The following EDIL3 variants were observed in gnomAD, a reference collection of about 807,000 sequenced individuals.
EDIL3 encodes the protein EGF like and discoidin domains 3.
Under a neutral mutation model 67.4 loss-of-function variants are expected in EDIL3, and 37 were observed. The ratio of observed to expected loss-of-function variants is 0.55; its 90% CI spans 0.42 to 0.72. The LOEUF is 0.72. Among genes scored for constraint, EDIL3 ranks in the 30% least tolerant of loss-of-function variants. The probability of loss-of-function intolerance (pLI) is 0.00; values close to 1 mark genes in which losing one functional copy is unlikely to be tolerated. For missense variants in EDIL3, 527 were observed against 586.3 expected (o/e 0.90, Z 1.04); for synonymous variants, 195 against 196.3 (o/e 0.99, Z 0.05).
intron 9 of EDIL3, among the ~76,000 whole-genome samples, chr5:84,036,493 C>A (rs1746024285): frequency 6.6e-6 from 1 of 152,120 alleles, no homozygotes; most frequent in African/African-American, 2.4e-5. Flanking sequence ...AAGTTAGTGA[C>A]AAAGTTGAAC....
At chr5:84,099,957 C>A (rs1747331918) in intron 6 of EDIL3, among the ~76,000 whole-genome samples, 1 of 151,368 alleles carries the variant, frequency 6.6e-6, no homozygotes, top group Non-Finnish European at 1.5e-5. Flanking sequence ...TTTGTGCAGC[C>A]AAAAATCATA....
chr5:84,046,807 A>G (rs958021636), intron 9 of EDIL3, among the ~76,000 whole-genome samples: 7 of 152,206 alleles, frequency 4.6e-5, no homozygotes, highest in African/African-American at 1.7e-4. Context: ...GAAGTCATCT[A>G]ATTTGCATTA....
intron 1 of EDIL3, among the ~76,000 whole-genome samples, chr5:84,311,833 C>T (rs1400949320): frequency 6.6e-5 from 10 of 152,244 alleles, no homozygotes; most frequent in Admixed American, 3.9e-4. Context: ...CCATTTAACC[C>T]TGAGTGGACA....
chr5:84,176,204 T>TATATATATATATATATA (rs1554071675), intron 4 of EDIL3, among the ~76,000 whole-genome samples: 12 of 20,216 alleles, frequency 5.9e-4, no homozygotes, highest in Non-Finnish European at 7.0e-4. Context: ...ATATAATATA[T>TATATATATATATATATA]ATATATATAT....
chr5:84,060,181 G>A (rs1746515694), intron 9 of EDIL3, 119 bp downstream of exon 9: 6 of 1,220,258 alleles, frequency 4.9e-6, no homozygotes, highest in South Asian at 1.6e-5. Context: ...TAGTTAAACC[G>A]AAGATGAAGG....
chr5:84,225,285 A>C (rs1214108062), intron 3 of EDIL3, among the ~76,000 whole-genome samples: 1 of 151,706 alleles, frequency 6.6e-6, no homozygotes, highest in Non-Finnish European at 1.5e-5. Context: ...ACGAGTCAAC[A>C]TTTTAAAACA....
At chr5:84,311,894 A>G (rs976691466) in intron 1 of EDIL3, among the ~76,000 whole-genome samples, 22 of 152,212 alleles carry the variant, frequency 1.4e-4, no homozygotes, top group African/African-American at 4.6e-4. Context: ...ACCCATCAAC[A>G]GGATCACAAG....
intron 3 of EDIL3, among the ~76,000 whole-genome samples, chr5:84,203,182 C>T (rs1484675103): frequency 1.3e-5 from 2 of 152,116 alleles, no homozygotes; most frequent in Non-Finnish European, 2.9e-5. Context: ...TTGAATTTTG[C>T]TTCCAAATAG....
chr5:84,073,093 A>C (rs1302416833), intron 6 of EDIL3, among the ~76,000 whole-genome samples: 1 of 152,178 alleles, frequency 6.6e-6, no homozygotes, highest in East Asian at 1.9e-4. Context: ...CAAAGACAAA[A>C]ACCACATGAT....
At chr5:84,377,866 TA>T (rs1747999300) in intron 1 of EDIL3, among the ~76,000 whole-genome samples, 1 of 152,218 alleles carries the variant, frequency 6.6e-6, no homozygotes, top group African/African-American at 2.4e-5. Flanking sequence ...CTTTAGTGCT[TA>T]AAAAGCCGTC....
chr5:84,262,087 A>G (rs1373957), intron 1 of EDIL3, among the ~76,000 whole-genome samples: 122,923 of 152,122 alleles, frequency 0.81, 50,058 homozygotes, highest in East Asian at 0.95. Context: ...ACACTCTGGA[A>G]AGTCCCTTAA....
chr5:84,340,721 T>A (rs1443333570), intron 1 of EDIL3, among the ~76,000 whole-genome samples: 2 of 151,610 alleles, frequency 1.3e-5, no homozygotes. Context: ...AGGCATTACA[T>A]AAACATAAAA....
chr5:84,028,654 C>T (rs1324884121), intron 9 of EDIL3, among the ~76,000 whole-genome samples: 2 of 151,950 alleles, frequency 1.3e-5, no homozygotes, highest in Admixed American at 6.6e-5. Flanking sequence ...CCAAAGTTTT[C>T]TGATAATCTA....
intron 2 of EDIL3, among the ~76,000 whole-genome samples, chr5:84,230,409 T>C (rs1000184441): frequency 1.8e-4 from 27 of 151,060 alleles, no homozygotes; most frequent in African/African-American, 6.6e-4. Flanking sequence ...TTTGGACTTT[T>C]CTTTTTTTTT....
intron 1 of EDIL3, among the ~76,000 whole-genome samples, chr5:84,319,494 C>CAAAAAAAAAAAAAAAAAAAAAA (rs55738450): frequency 1.6e-4 from 7 of 42,832 alleles, no homozygotes; most frequent in South Asian, 1.4e-3. Flanking sequence ...CAAAAAACAA[C>CAAAAAAAAAAAAAAAAAAAAAA]AAAAAAAAAA....
intron 1 of EDIL3, among the ~76,000 whole-genome samples, chr5:84,277,036 C>T (rs1017147336): frequency 6.6e-6 from 1 of 152,076 alleles, no homozygotes; most frequent in Non-Finnish European, 1.5e-5. Context: ...ATCTTAGCCC[C>T]TTAACACCAG....
At chr5:84,058,405 T>C (rs1308308361) in intron 9 of EDIL3, among the ~76,000 whole-genome samples, 3 of 151,924 alleles carry the variant, frequency 2.0e-5, no homozygotes, top group African/African-American at 7.3e-5. Flanking sequence ...AAATGAATTT[T>C]TAAAGAGTAA....
intron 1 of EDIL3, among the ~76,000 whole-genome samples, chr5:84,310,252 A>G (rs1746357975): frequency 6.6e-6 from 1 of 152,230 alleles, no homozygotes; most frequent in Admixed American, 6.5e-5. Flanking sequence ...TAAAATGCTA[A>G]TGATGACAAT....
chr5:83,948,199 C>G (rs1744347156), intron 10 of EDIL3, among the ~76,000 whole-genome samples: 1 of 151,520 alleles, frequency 6.6e-6, no homozygotes, highest in Non-Finnish European at 1.5e-5. Flanking sequence ...ATTTTTTTTA[C>G]TTGTATCTGT....
Sources: allele counts gnomAD v4.1 joint callset (sites outside exome capture counted in the v4.1 genomes callset), GRCh38; gene constraint gnomAD v4.1.1; transcripts MANE v1.5; gene names NCBI Gene and HGNC (gene_info 2026-07-23, HGNC 2026-07-21).